The following RBM48 variants were observed in gnomAD, a reference collection of about 807,000 sequenced individuals.
RBM48 encodes RNA binding motif protein 48.
A neutral mutation model predicts 34.8 loss-of-function variants in RBM48; 32 were observed. The ratio of observed to expected loss-of-function variants is 0.92; its 90% CI spans 0.69 to 1.23. RBM48 has a LOEUF of 1.23. RBM48 is among the 50% of genes most tolerant of loss of function. The pLI, the probability that RBM48 is intolerant of heterozygous loss-of-function variation, is 0.00. For synonymous variants in RBM48, 151 were observed against 156.2 expected, an observed-to-expected ratio of 0.97 and a Z score of 0.25; for missense variants, 441 against 447.2, an observed-to-expected ratio of 0.99 and a Z score of 0.12.
chr7:92,529,684 A>C lies in RBM48; in HGVS notation c.302+18A>C, dbSNP rs113434354. On this transcript the variant is annotated intron_variant, in intron 2 of 4. Transcript: ENST00000265732. Reference sequence around the variant, plus strand: ...AGTGCAAGGTAATGTGCAAGTTAAGAAATGACTCATTTCCTCATTTCTTCC... The same window carrying C: ...AGTGCAAGGTAATGTGCAAGTTAAGCAATGACTCATTTCCTCATTTCTTCC... 2,244 of 1,440,902 alleles carry C rather than the reference A, an allele frequency of 1.6e-3. 35 individuals carry two copies. The African/African-American group carries it at 0.029, about 19-fold the overall frequency. The allele number at this position is 1,440,902 out of a possible 1,614,324, so 89.3% of individuals were successfully genotyped here.
At position 92,528,903 on chromosome 7, in the gene RBM48, A is replaced by G. The variant is rs753134781; in HGVS notation, c.90A>G (p.Gly30=). Residue 30 remains glycine, a synonymous_variant, in exon 1 of 5, where the codon GGA becomes GGG. Transcript: ENST00000265732. ...ACACACGGGCCAAATATCGAGAGGGACGACGGCCTCGTGCTGTGAAGGTAA... is the reference window on the plus strand; with the variant it reads ...ACACACGGGCCAAATATCGAGAGGGGCGACGGCCTCGTGCTGTGAAGGTAA... The part of the protein sequence containing the change: ...VCDTRAKYRE[G]RRPRAVKVYT... 6.2e-7 allele frequency: 1 copy of G among 1,613,900 alleles called. No individual in the cohort carries two copies. Among genetic ancestry groups the G allele is most frequent in the Non-Finnish European group, 8.5e-7 (1 of 1,179,854 alleles).
intron 2 of RBM48, among the ~76,000 whole-genome samples, chr7:92,530,361 G>A (rs1333063682): frequency 6.6e-6 from 1 of 151,894 alleles, no homozygotes; most frequent in Admixed American, 6.6e-5. Flanking sequence ...CGGGTGTGGT[G>A]GTGCGGACCT....
At position 92,538,989 on chromosome 7, in the gene RBM48, G is replaced by A. The variant is rs1454796370; in HGVS notation, c.*2052G>A. On this transcript the variant is annotated 3_prime_UTR_variant, in exon 5 of 5. Transcript: ENST00000265732. ...AGAGACAGAAAGAAACCTTTGTGGT[G>A]TCAAGCAGCAAAACAAAACAAAAAG... 6.6e-6 allele frequency among the ~76,000 whole-genome samples: 1 copy of A among 152,164 alleles called. No individual in the cohort carries two copies. Among genetic ancestry groups the A allele is most frequent in the African/African-American group, 2.4e-5 (1 of 41,448 alleles).
intron 4 of RBM48, 79 bp from the exon 5 acceptor site, chr7:92,536,772 G>C: frequency 6.8e-7 from 1 of 1,478,432 alleles, no homozygotes; most frequent in Non-Finnish European, 8.9e-7. Flanking sequence ...ATTGGATGTA[G>C]TCTTACCTCT....
intron 2 of RBM48, among the ~76,000 whole-genome samples, chr7:92,532,099 A>T (rs1458304541): frequency 6.6e-6 from 1 of 152,200 alleles, no homozygotes; most frequent in Non-Finnish European, 1.5e-5. Context: ...GGCCACAGAG[A>T]AAAGCTCCAT....
chr7:92,535,852 A>C, intron 4 of RBM48: 1 of 980,640 alleles, frequency 1.0e-6, no homozygotes, highest in Non-Finnish European at 1.2e-6. Flanking sequence ...TTTTCAGTTT[A>C]GGCTGGGCCC....
chr7:92,539,979 C>G lies in RBM48; in HGVS notation c.*3042C>G, dbSNP rs980058022. Among the ~76,000 whole-genome samples, 4 of 152,164 alleles carry G rather than the reference C, an allele frequency of 2.6e-5. No individual in the cohort carries two copies. The highest frequency in any genetic ancestry group is 4.4e-5 in the Non-Finnish European group (3 of 68,038). On this transcript the variant is annotated 3_prime_UTR_variant, in exon 5 of 5. Transcript: ENST00000265732. ...TCAGTGTTCTATCCCTTAAGCAAGCCAATATACCCTGGATTTGGTTTGGGA... is the reference window on the plus strand; with the variant it reads ...TCAGTGTTCTATCCCTTAAGCAAGCGAATATACCCTGGATTTGGTTTGGGA...
chr7:92,536,493 C>A (rs1793714860), intron 4 of RBM48: 1 of 989,950 alleles, frequency 1.0e-6, no homozygotes, highest in Non-Finnish European at 1.2e-6. Flanking sequence ...CCCCCCAAAT[C>A]TATCAAACGT....
At chr7:92,535,124 G>A (rs1793680124) in intron 4 of RBM48, 154 bp downstream of exon 4, 2 of 1,451,754 alleles carry the variant, frequency 1.4e-6, no homozygotes, top group East Asian at 5.0e-5. Flanking sequence ...AACTGAATTT[G>A]GCTAACATTT....
At chr7:92,536,238 C>G in intron 4 of RBM48, 1 of 984,272 alleles carries the variant, frequency 1.0e-6, no homozygotes, top group Non-Finnish European at 1.2e-6. Flanking sequence ...GAGCTGATTA[C>G]ATTTTCAAGA....
chr7:92,529,230 C>T, intron 1 of RBM48: 1 of 574,016 alleles, frequency 1.7e-6, no homozygotes, highest in Non-Finnish European at 3.1e-6. Flanking sequence ...CCAGTGACTT[C>T]TACCGACTCA....
rs1352877861 is a variant in RBM48 at position 92,532,443 on chromosome 7, T to C, written c.342T>C (p.Gly114=). 1 of 1,611,562 alleles carries C rather than the reference T, an allele frequency of 6.2e-7. No homozygotes were observed. Among genetic ancestry groups the C allele is most frequent in the African/African-American group, 1.3e-5 (1 of 74,762 alleles). The change falls in exon 3 of 5, where the codon GGT becomes GGC. Residue 114 remains glycine, a synonymous_variant. Coordinates refer to ENST00000265732, the MANE Select transcript of RBM48 (RefSeq NM_032120.4). ...AAATGGATGAACAGAGTTTCTTCGGTGGATTGCTTCATGTGTGCTATGCTC... is the reference window on the plus strand; with the variant it reads ...AAATGGATGAACAGAGTTTCTTCGGCGGATTGCTTCATGTGTGCTATGCTC... ...KRKMDEQSFF[G]GLLHVCYAPE... is the part of the protein sequence containing the mutation.
At position 92,539,345 on chromosome 7, in the gene RBM48, A is replaced by G. The variant is rs1468653486; in HGVS notation, c.*2408A>G. 6.6e-6 allele frequency among the ~76,000 whole-genome samples: 1 copy of G among 152,252 alleles called. No individual in the cohort carries two copies. Among genetic ancestry groups the G allele is most frequent in the Non-Finnish European group, 1.5e-5 (1 of 68,040 alleles). On this transcript the variant is annotated 3_prime_UTR_variant, in exon 5 of 5. Transcript: ENST00000265732. Reference sequence around the variant, plus strand: ...AACTACAGGGAGACAAATAAATTAAAGAGATGAGTTGAGGTGGATAAGGAT... The same window carrying G: ...AACTACAGGGAGACAAATAAATTAAGGAGATGAGTTGAGGTGGATAAGGAT...
chr7:92,529,775 A>T (rs2116310153), intron 2 of RBM48, 109 bp downstream of exon 2: 1 of 616,446 alleles, frequency 1.6e-6, no homozygotes, highest in East Asian at 2.8e-5. Context: ...CCAAAACGTA[A>T]TCTAGCATAT....
At chr7:92,534,110 T>G in intron 3 of RBM48, 1 of 311,616 alleles carries the variant, frequency 3.2e-6, no homozygotes, top group Non-Finnish European at 6.0e-6. Context: ...AGGAAGGAGG[T>G]GGCAAAGTGA....
chr7:92,533,999 A>G (rs1793640184), intron 3 of RBM48, among the ~76,000 whole-genome samples: 1 of 151,546 alleles, frequency 6.6e-6, no homozygotes, highest in African/African-American at 2.4e-5. Flanking sequence ...ACCTTTCTAT[A>G]TAATGATGAA....
chr7:92,530,968 G>GTGGAACTGGAGGAA (rs1793561530), intron 2 of RBM48, among the ~76,000 whole-genome samples: 1 of 152,066 alleles, frequency 6.6e-6, no homozygotes, highest in Non-Finnish European at 1.5e-5. Context: ...TGTAGTTCCA[G>GTGGAACTGGAGGAA]CTACTTGGGA....
chr7:92,531,475 C>G lies in RBM48; in HGVS notation c.303-929C>G, dbSNP rs183621965. ...CCATCCTTCTCTGGCTATTACAATTCATATTTTCTTTCTTGTGCTATCAGT... is the reference window on the plus strand; with the variant it reads ...CCATCCTTCTCTGGCTATTACAATTGATATTTTCTTTCTTGTGCTATCAGT... On this transcript the variant is annotated intron_variant, in intron 2 of 4. Coordinates refer to ENST00000265732, the MANE Select transcript of RBM48 (RefSeq NM_032120.4). 1.5e-3 allele frequency among the ~76,000 whole-genome samples: 224 copies of G among 152,304 alleles called. 1 individual carries two copies. The highest frequency in any genetic ancestry group is 5.0e-3 in the African/African-American group (209 of 41,564).
At position 92,528,924 on chromosome 7, in the gene RBM48, G is replaced by A. The variant is rs369637731; in HGVS notation, c.111G>A (p.Lys37=). 7 of 1,611,556 alleles carry A rather than the reference G, an allele frequency of 4.3e-6. No individual in the cohort carries two copies. The highest frequency in any genetic ancestry group is 5.1e-6 in the Non-Finnish European group (6 of 1,178,008). Residue 37 remains lysine, a splice_region_variant and synonymous_variant, in exon 1 of 5, where the codon AAG becomes AAA. Coordinates refer to ENST00000265732, the MANE Select transcript of RBM48 (RefSeq NM_032120.4). ...AGGGACGACGGCCTCGTGCTGTGAA[G>A]GTAAAGTGATTTTGGTTTCATTCGC... ...YREGRRPRAV[K]VYTINLESQY...
Sources: gnomAD v4.1 joint callset for allele counts (sites outside exome capture counted in the v4.1 genomes callset) on GRCh38, gnomAD v4.1.1 for gene constraint, MANE v1.5 for transcripts, NCBI Gene and HGNC (gene_info 2026-07-23, HGNC 2026-07-21) for gene names.